SGK1: variants seen among roughly 807,000 people sequenced by gnomAD.
SGK1 encodes serine/threonine-protein kinase Sgk1.
Under a neutral mutation model 64.2 loss-of-function variants are expected in SGK1, and 26 were observed. The ratio of observed to expected loss-of-function variants is 0.40; its 90% CI spans 0.30 to 0.56. The LOEUF (loss-of-function observed/expected upper bound fraction) is 0.56, where lower values mean the gene tolerates loss of function less well. Among genes scored for constraint, SGK1 ranks in the 20% least tolerant of loss-of-function variants. SGK1 has a pLI of 0.38. For synonymous variants in SGK1, 265 were observed against 239.7 expected (o/e 1.11, Z -0.98); for missense variants, 519 against 645.6 (o/e 0.80, Z 2.12).
chr6:134,262,818 G>A (rs1398115009), intron 1 of SGK1, among the ~76,000 whole-genome samples: 2 of 151,962 alleles, frequency 1.3e-5, no homozygotes, highest in African/African-American at 4.8e-5. Context: ...AAGGCAGGAG[G>A]ACTGCTTTAG....
chr6:134,308,110 C>T (rs542162412), intron 1 of SGK1, among the ~76,000 whole-genome samples: 4 of 152,204 alleles, frequency 2.6e-5, no homozygotes, highest in East Asian at 3.9e-4. Context: ...TAAACCACAC[C>T]GGAAGCTATG....
intron 1 of SGK1, among the ~76,000 whole-genome samples, chr6:134,285,149 C>T (rs1249993497): frequency 6.6e-6 from 1 of 151,818 alleles, no homozygotes; most frequent in Non-Finnish European, 1.5e-5. Context: ...TTTACATTCC[C>T]ACCAGCAGTG....
chr6:134,188,910 T>TTC (rs1775463842), intron 3 of SGK1, among the ~76,000 whole-genome samples: 1 of 34,720 alleles, frequency 2.9e-5, no homozygotes, highest in African/African-American at 1.0e-4. Context: ...TTCTTTTTCT[T>TTC]TTTTTTTTTT....
At chr6:134,228,699 C>T (rs1032799697) in intron 2 of SGK1, among the ~76,000 whole-genome samples, 3 of 152,114 alleles carry the variant, frequency 2.0e-5, no homozygotes, top group African/African-American at 7.2e-5. Flanking sequence ...CTGGGCTCTG[C>T]GCAAAGGCAG....
intron 1 of SGK1, among the ~76,000 whole-genome samples, chr6:134,315,026 G>A (rs1777658010): frequency 6.6e-6 from 1 of 152,136 alleles, no homozygotes; most frequent in Admixed American, 6.5e-5. Context: ...TATGGTAACA[G>A]TTACTACATC....
chr6:134,238,398 A>C (rs1168249957), intron 2 of SGK1, among the ~76,000 whole-genome samples: 2 of 152,232 alleles, frequency 1.3e-5, no homozygotes, highest in Non-Finnish European at 2.9e-5. Context: ...GTCCCTTTTC[A>C]GCATTAATTA....
At chr6:134,310,174 G>A (rs980799702) in intron 1 of SGK1, among the ~76,000 whole-genome samples, 7 of 151,764 alleles carry the variant, frequency 4.6e-5, no homozygotes, top group Admixed American at 3.3e-4. Flanking sequence ...TCTTACTCCA[G>A]TGTTACATAT....
chr6:134,318,102 G>T lies in SGK1; in HGVS notation c.-642C>A. ...AGGCACAGCCGGCTCAGGGCACACT[G>T]AAGAGCAGTTGACTCCCCTTGGGAG... On this transcript the variant is annotated 5_prime_UTR_variant, in exon 1 of 14. Coordinates refer to ENST00000367858, the MANE Select transcript of SGK1 (RefSeq NM_001143676.3). 6.6e-6 allele frequency: 1 copy of T among 152,216 alleles called. No individual in the cohort carries two copies. Among genetic ancestry groups the T allele is most frequent in the Non-Finnish European group, 1.5e-5 (1 of 68,062 alleles). 9.4% of individuals were successfully genotyped at this position (152,216 alleles called of 1,614,324 possible). A position where few individuals can be genotyped will look rare whatever the true frequency, so the allele number is the denominator to read the frequency against.
chr6:134,267,827 A>G (rs916085551), intron 1 of SGK1, among the ~76,000 whole-genome samples: 3 of 151,730 alleles, frequency 2.0e-5, no homozygotes, highest in Admixed American at 1.3e-4. Context: ...TGTTACTTAC[A>G]AAAATGAATC....
chr6:134,298,721 C>A (rs191896328), intron 1 of SGK1: 21 of 647,770 alleles, frequency 3.2e-5, no homozygotes, highest in Admixed American at 8.7e-5. Flanking sequence ...TGGAGGCAGG[C>A]GGGCTGAACC....
Position 134,316,997 on chromosome 6 carries a change from G to A in SGK1, c.69+395C>T, listed in dbSNP as rs1372573330. ...ACTTGAGACTGAGTGGATGAAAGGT[G>A]TAGAAAAGTTGAACCCTTCAAAGAT... is the stretch of plus-strand genomic sequence containing the variant. On this transcript the variant is annotated intron_variant, in intron 1 of 13. Transcript: ENST00000367858. 3.9e-5 allele frequency among the ~76,000 whole-genome samples: 6 copies of A among 152,270 alleles called. No homozygotes were observed. In the South Asian group the frequency reaches 1.2e-3, roughly 32 times the overall value.
intron 2 of SGK1, among the ~76,000 whole-genome samples, chr6:134,222,492 C>T (rs1006809372): frequency 2.6e-5 from 4 of 151,986 alleles, no homozygotes; most frequent in Middle Eastern, 3.2e-3. Context: ...CCCACCACCA[C>T]GCCTGGCTAA....
At chr6:134,250,389 T>C (rs1274703184) in intron 2 of SGK1, among the ~76,000 whole-genome samples, 1 of 152,238 alleles carries the variant, frequency 6.6e-6, no homozygotes, top group Non-Finnish European at 1.5e-5. Context: ...GATGATTTTT[T>C]CAAGAGATGA....
At chr6:134,274,984 A>C (rs1647150825) in intron 1 of SGK1, among the ~76,000 whole-genome samples, 1 of 152,016 alleles carries the variant, frequency 6.6e-6, no homozygotes, top group African/African-American at 2.4e-5. Flanking sequence ...TTTGTATTTT[A>C]GTAGAGACGG....
At chr6:134,242,963 T>G (rs1317643711) in intron 2 of SGK1, among the ~76,000 whole-genome samples, 1 of 151,974 alleles carries the variant, frequency 6.6e-6, no homozygotes, top group African/African-American at 2.4e-5. Flanking sequence ...GCTTATGCCT[T>G]TGGTTATAGA....
intron 2 of SGK1, among the ~76,000 whole-genome samples, chr6:134,216,493 G>C (rs1775986564): frequency 6.6e-6 from 1 of 152,150 alleles, no homozygotes; most frequent in Admixed American, 6.6e-5. Flanking sequence ...TCAGTTCTTT[G>C]TATCTATGAG....
chr6:134,258,335 C>T (rs111898973), intron 2 of SGK1, among the ~76,000 whole-genome samples: 2,269 of 152,176 alleles, frequency 0.015, 31 homozygotes, highest in Non-Finnish European at 0.026. Context: ...CATCCACCCC[C>T]CTTGGCTTCC....
intron 2 of SGK1, among the ~76,000 whole-genome samples, chr6:134,213,219 T>A (rs767585392): frequency 1.4e-4 from 22 of 152,044 alleles, no homozygotes; most frequent in Non-Finnish European, 2.9e-4. Context: ...AGCGAGAAAA[T>A]TTATTATCAG....
At chr6:134,211,804 A>G (rs1306370120) in intron 2 of SGK1, among the ~76,000 whole-genome samples, 1 of 149,378 alleles carries the variant, frequency 6.7e-6, no homozygotes, top group East Asian at 2.0e-4. Flanking sequence ...AACCCGGGAG[A>G]CTGAGGTTGC....
Sources: allele counts gnomAD v4.1 joint callset (sites outside exome capture counted in the v4.1 genomes callset), GRCh38; gene constraint gnomAD v4.1.1; transcripts MANE v1.5; gene names NCBI Gene and HGNC (gene_info 2026-07-23, HGNC 2026-07-21).